The following SYTL2 variants were observed in gnomAD, a reference collection of about 807,000 sequenced individuals.
SYTL2 encodes synaptotagmin-like protein 2.
A neutral mutation model predicts 198.7 loss-of-function variants in SYTL2; 165 were observed. That is an observed-to-expected ratio of 0.83 (90% CI 0.73 to 0.94). The LOEUF is 0.94. Ranked by LOEUF, SYTL2 falls within the 40% of genes least tolerant of loss-of-function variation. The probability of loss-of-function intolerance (pLI) is 0.00; values close to 1 mark genes in which losing one functional copy is unlikely to be tolerated. For synonymous variants in SYTL2, 966 were observed against 917.7 expected (o/e 1.05, Z -0.95); for missense variants, 2,835 against 2,582.8 (o/e 1.10, Z -2.12).
Position 85,745,720 on chromosome 11 carries a change from A to T in SYTL2, c.306T>A (p.Asn102Lys). 6.2e-7 allele frequency: 1 copy of T among 1,613,724 alleles called. No homozygotes were observed. Among genetic ancestry groups the T allele is most frequent in the Non-Finnish European group, 8.5e-7 (1 of 1,179,710 alleles). The change falls in exon 4 of 20, where the codon AAT becomes AAA. Residue 102 changes from asparagine (N) to lysine (K), a missense_variant. Around this residue, in one of 3 missense-constraint regions of SYTL2, gnomAD observed 2,645 missense variants for 2,381.7 expected, o/e 1.11. Coordinates refer to ENST00000359152, the MANE Select transcript of SYTL2 (RefSeq NM_206927.4). ...GAGGAAGGAAAGCATCTTTGTTGACATTATTCACCCAGCTTTCCTTTGCCC... is the reference window on the plus strand; with the variant it reads ...GAGGAAGGAAAGCATCTTTGTTGACTTTATTCACCCAGCTTTCCTTTGCCC... ...ENGAKESWVN[N>K]VNKDAFLPPE... is the part of the protein sequence containing the mutation.
At chr11:85,849,753 T>C in the SYTL2 span, among the ~76,000 whole-genome samples, 7 of 148,712 alleles carry the variant, frequency 4.7e-5, no homozygotes, top group South Asian at 1.6e-3. Flanking sequence ...TGGCTTAGGA[T>C]TGACTTGGCG....
chr11:85,848,458 T>C, the SYTL2 span, among the ~76,000 whole-genome samples: 1 of 108,380 alleles, frequency 9.2e-6, no homozygotes, highest in African/African-American at 3.3e-5. Flanking sequence ...TCATTTTGAG[T>C]TAATTTTTTG....
intron 16 of SYTL2, among the ~76,000 whole-genome samples, chr11:85,702,014 G>A (rs1314814981): frequency 1.3e-5 from 2 of 152,124 alleles, no homozygotes; most frequent in Admixed American, 1.3e-4. Flanking sequence ...ATGAGGCTGG[G>A]GAGACAAAAC....
At chr11:85,839,650 T>G in the SYTL2 span, among the ~76,000 whole-genome samples, 2 of 152,242 alleles carry the variant, frequency 1.3e-5, no homozygotes, top group Non-Finnish European at 2.9e-5. Context: ...CTCCATTGTG[T>G]ATATATGTTA....
the SYTL2 span, among the ~76,000 whole-genome samples, chr11:85,818,656 A>ACTACCTATCTAT: frequency 6.7e-6 from 1 of 149,002 alleles, no homozygotes; most frequent in Non-Finnish European, 1.5e-5. Flanking sequence ...TGTATAAATT[A>ACTACCTATCTAT]CTATCTATCT....
In SYTL2 at chr11:85,727,823, T is replaced by C. The variant is rs749090553; in HGVS notation, c.1535A>G (p.Lys512Arg). ...SRSGPYATEI[K>R]KSTDDSIFKV... is the part of the protein sequence containing the mutation. ...AAATATGGAATCATCAGTTGACTTC[T>C]TTATCTCAGTGGCATATGGACCAGA... Residue 512 changes from lysine to arginine, a missense_variant, in exon 8 of 20, where the codon AAG becomes AGG. This residue lies in a region of SYTL2 where 2,645 missense variants were observed against 2,381.7 expected (regional missense o/e 1.11). Coordinates refer to ENST00000359152, the MANE Select transcript of SYTL2 (RefSeq NM_206927.4). The C allele has an allele frequency of 9.3e-5, 150 of 1,610,048 alleles. 1 individual carries two copies. The highest frequency in any genetic ancestry group is 1.1e-4 in the Non-Finnish European group (134 of 1,178,428).
chr11:85,854,345 T>A, the SYTL2 span: 1 of 146,054 alleles, frequency 6.8e-6, no homozygotes, highest in African/African-American at 2.5e-5. Context: ...AAAAAGAAAA[T>A]TATCTTGCGG....
chr11:85,802,146 C>A (rs1416388999), intron 1 of SYTL2, among the ~76,000 whole-genome samples: 1 of 151,866 alleles, frequency 6.6e-6, no homozygotes, highest in Non-Finnish European at 1.5e-5. Context: ...TCTCTCCCTG[C>A]CTCCATGGCT....
chr11:85,792,989 T>A lies in SYTL2; in HGVS notation c.-390+17965A>T, dbSNP rs576656260. ...TTTTTTATGGCTGCATAGTATTCCA[T>A]GGTGTATATGTGCCACATTTTCTTA... On this transcript the variant is annotated intron_variant, in intron 1 of 19. Transcript: ENST00000359152. Among the ~76,000 whole-genome samples the A allele has an allele frequency of 8.9e-4, 136 of 152,058 alleles. 3 individuals are homozygous for A. Among genetic ancestry groups the A allele is most frequent in the African/African-American group, 3.3e-3 (135 of 41,392 alleles).
At chr11:85,837,053 T>C in the SYTL2 span, among the ~76,000 whole-genome samples, 15 of 152,200 alleles carry the variant, frequency 9.9e-5, no homozygotes, top group Non-Finnish European at 1.8e-4. Flanking sequence ...GGAGAGAAAA[T>C]TCCAAATGTT....
At chr11:85,762,869 G>A (rs970458742) in intron 1 of SYTL2, among the ~76,000 whole-genome samples, 6 of 151,932 alleles carry the variant, frequency 3.9e-5, no homozygotes, top group Non-Finnish European at 7.4e-5. Flanking sequence ...GCCAGTTTAT[G>A]AACAAGGCTT....
intron 1 of SYTL2, among the ~76,000 whole-genome samples, chr11:85,787,875 T>C (rs144031159): frequency 1.2e-3 from 184 of 152,224 alleles, no homozygotes; most frequent in Middle Eastern, 0.01. Flanking sequence ...TGAAAGCTAC[T>C]TGTACTCAGG....
At chr11:85,852,525 C>G in the SYTL2 span, 1 of 162,286 alleles carries the variant, frequency 6.2e-6, no homozygotes, top group Non-Finnish European at 1.3e-5. Context: ...AGGCGCGCAC[C>G]GCCACACCTG....
intron 1 of SYTL2, among the ~76,000 whole-genome samples, chr11:85,793,099 G>A (rs1233498319): frequency 6.6e-6 from 1 of 151,884 alleles, no homozygotes; most frequent in Non-Finnish European, 1.5e-5. Context: ...ACGTGTGCAT[G>A]TGTCTTTATA....
chr11:85,816,915 CAAAAAAAAA>C, the SYTL2 span, among the ~76,000 whole-genome samples: 2 of 80,918 alleles, frequency 2.5e-5, no homozygotes, highest in Middle Eastern at 6.8e-3. Flanking sequence ...AACCCTGTCT[CAAAAAAAAA>C]AAAAAAAAAA....
At chr11:85,805,043 T>G (rs1307245967) in intron 1 of SYTL2, among the ~76,000 whole-genome samples, 1 of 152,162 alleles carries the variant, frequency 6.6e-6, no homozygotes, top group East Asian at 1.9e-4. Context: ...TAAACAATCT[T>G]GTCAAACAAA....
At chr11:85,730,069 A>G (rs1393120579) in intron 7 of SYTL2, among the ~76,000 whole-genome samples, 1 of 152,236 alleles carries the variant, frequency 6.6e-6, no homozygotes, top group Non-Finnish European at 1.5e-5. Flanking sequence ...TGAATAGACC[A>G]ATAACAAGTT....
At chr11:85,738,237 C>T (rs1311460198) in intron 4 of SYTL2, among the ~76,000 whole-genome samples, 3 of 152,192 alleles carry the variant, frequency 2.0e-5, no homozygotes, top group Non-Finnish European at 2.9e-5. Flanking sequence ...GCTAGATGTT[C>T]CTGCAGCCTC....
intron 14 of SYTL2, among the ~76,000 whole-genome samples, chr11:85,708,704 G>A (rs1050742790): frequency 3.3e-5 from 5 of 151,946 alleles, no homozygotes; most frequent in Non-Finnish European, 5.9e-5. Context: ...TCCTCATTTT[G>A]CTTCTATCTG....
Sources: gnomAD v4.1 joint callset for allele counts (sites outside exome capture counted in the v4.1 genomes callset) on GRCh38, gnomAD v4.1.1 for gene constraint, gnomAD v4.1.1 regional missense constraint, MANE v1.5 for transcripts, NCBI Gene and HGNC (gene_info 2026-07-23, HGNC 2026-07-21) for gene names.